GAN: variants seen among roughly 807,000 people sequenced by gnomAD.
GAN encodes the protein epididymis secretory sperm binding protein.
GAN carries 48 observed loss-of-function variants against 71.3 expected under a neutral mutation model. The ratio of observed to expected loss-of-function variants is 0.67; its 90% CI spans 0.53 to 0.86. The LOEUF is 0.86. GAN is among the 40% of genes least tolerant of loss of function. The probability of loss-of-function intolerance (pLI) is 0.00; values close to 1 mark genes in which losing one functional copy is unlikely to be tolerated. For missense variants in GAN, 928 were observed against 770.1 expected, an observed-to-expected ratio of 1.21 and a Z score of -2.43; for synonymous variants, 386 against 276.8, an observed-to-expected ratio of 1.39 and a Z score of -3.92.
chr16:81,357,778 AT>A, intron 4 of GAN, 31 bp from the exon 5 acceptor site: 2 of 1,600,696 alleles, frequency 1.2e-6, no homozygotes, highest in Non-Finnish European at 1.7e-6. Flanking sequence ...TATGAAGCAC[AT>A]TAACTACTGA....
chr16:81,328,997 T>A (rs1429042129), intron 1 of GAN, among the ~76,000 whole-genome samples: 1 of 152,166 alleles, frequency 6.6e-6, no homozygotes, highest in Admixed American at 6.5e-5. Context: ...GTATTAGATG[T>A]TTAAAAATCT....
intron 1 of GAN, among the ~76,000 whole-genome samples, chr16:81,331,562 C>T (rs2150672245): frequency 6.6e-6 from 1 of 152,206 alleles, no homozygotes; most frequent in Non-Finnish European, 1.5e-5. Context: ...AAACCAAATT[C>T]CTAAGGAGCG....
At chr16:81,353,545 T>A (rs989045127) in intron 2 of GAN, among the ~76,000 whole-genome samples, 8 of 152,176 alleles carry the variant, frequency 5.3e-5, no homozygotes, top group Non-Finnish European at 7.4e-5. Context: ...TATACTTTTT[T>A]AAAAATCTGT....
chr16:81,333,289 C>A (rs1909649020), intron 1 of GAN, among the ~76,000 whole-genome samples: 1 of 150,202 alleles, frequency 6.7e-6, no homozygotes. Flanking sequence ...GTCTGTTTTT[C>A]TCTTTATAAT....
At chr16:81,341,369 G>A (rs1343585063) in intron 1 of GAN, among the ~76,000 whole-genome samples, 1 of 152,158 alleles carries the variant, frequency 6.6e-6, no homozygotes, top group African/African-American at 2.4e-5. Flanking sequence ...AGGAAAAAAT[G>A]TTAAGGGCAG....
intron 5 of GAN, among the ~76,000 whole-genome samples, chr16:81,359,271 C>G (rs1438960580): frequency 6.6e-6 from 1 of 152,096 alleles, no homozygotes; most frequent in Non-Finnish European, 1.5e-5. Flanking sequence ...TCCTATATGA[C>G]TAATATTTGA....
At chr16:81,348,213 AC>A (rs892435374) in intron 1 of GAN, among the ~76,000 whole-genome samples, 1 of 152,060 alleles carries the variant, frequency 6.6e-6, no homozygotes, top group African/African-American at 2.4e-5. Flanking sequence ...TCTTGACCCT[AC>A]ATTTAAAAAA....
chr16:81,330,614 G>A (rs1010995510), intron 1 of GAN, among the ~76,000 whole-genome samples: 4 of 152,238 alleles, frequency 2.6e-5, no homozygotes, highest in Non-Finnish European at 4.4e-5. Context: ...AGAAGAAATA[G>A]AGGATAGAAA....
intron 9 of GAN, among the ~76,000 whole-genome samples, chr16:81,376,465 ATGTGTGTGTGTGTGTG>A (rs56782049): frequency 1.0e-3 from 127 of 127,164 alleles, no homozygotes; most frequent in Middle Eastern, 4.0e-3. Context: ...ATACATACAT[ATGTGTGTGTGTGTGTG>A]TGTGTGTGTG....
rs1344905322 is a variant in GAN at position 81,354,041 on chromosome 16, T to C, written c.283-364T>C. On this transcript the variant is annotated intron_variant, in intron 2 of 10. Coordinates refer to ENST00000648994, the MANE Select transcript of GAN (RefSeq NM_022041.4). ...GTTCTGATGCTGGTACTTAATCATG[T>C]TGACTTTACCATAGAATGTAGAACT... is the stretch of plus-strand genomic sequence containing the variant. Among the ~76,000 whole-genome samples the C allele has an allele frequency of 2.0e-5, 3 of 152,184 alleles. No homozygotes were observed. In the East Asian group the frequency reaches 5.8e-4, roughly 29 times the overall value.
chr16:81,325,149 G>C (rs1909343688), intron 1 of GAN, among the ~76,000 whole-genome samples: 1 of 152,214 alleles, frequency 6.6e-6, no homozygotes, highest in Admixed American at 6.5e-5. Flanking sequence ...TTAAAGTCAG[G>C]ACAGTTTAGG....
rs903356039 is a variant in GAN, at chr16:81,342,667, C to A, written c.168-8916C>A. The stretch of plus-strand genomic sequence containing the variant: ...GGAAATTTATAGCACGAAATGCCCA[C>A]AAGAGAAAGCAGGACAGATCTAAAA... On this transcript the variant is annotated intron_variant, in intron 1 of 10. Coordinates refer to ENST00000648994, the MANE Select transcript of GAN (RefSeq NM_022041.4). 3.3e-5 allele frequency among the ~76,000 whole-genome samples: 5 copies of A among 152,274 alleles called. No homozygotes were observed. In the East Asian group the frequency reaches 9.7e-4, roughly 29 times the overall value.
intron 1 of GAN, among the ~76,000 whole-genome samples, chr16:81,325,516 G>A (rs988326437): frequency 2.0e-5 from 3 of 152,184 alleles, no homozygotes; most frequent in African/African-American, 4.8e-5. Context: ...TTTATCATCA[G>A]TTGCTAATCA....
Position 81,351,694 on chromosome 16 carries a change from G to A in GAN, c.279G>A (p.Gly93=). ...AGATCCTGGATTACATCTTCAGTGG[G>A]CAGGTATGATGAGAAACAAAGGAAG... ...MREILDYIFS[G]QIRLNEDTIQ... is the part of the protein sequence containing the mutation. Residue 93 remains glycine, a synonymous_variant, in exon 2 of 11, where the codon GGG becomes GGA. Transcript: ENST00000648994. The A allele has an allele frequency of 1.4e-6, 2 of 1,385,354 alleles. No individual in the cohort carries two copies. Among genetic ancestry groups the A allele is most frequent in the Non-Finnish European group, 2.1e-6 (2 of 971,050 alleles). The allele number at this position is 1,385,354 out of a possible 1,614,324, so 85.8% of individuals were successfully genotyped here. A position where few individuals can be genotyped will look rare whatever the true frequency, so the allele number is the denominator to read the frequency against.
Position 81,378,289 on chromosome 16 carries a change from G to A in GAN, c.*693G>A, listed in dbSNP as rs1361265609. The A allele has an allele frequency of 6.5e-6, 1 of 154,172 alleles. No homozygotes were observed. The highest frequency in any genetic ancestry group is 1.4e-5 in the Non-Finnish European group (1 of 69,382). The allele number at this position is 154,172 out of a possible 1,614,324, so 9.6% of individuals were successfully genotyped here. A position where few individuals can be genotyped will look rare whatever the true frequency, so the allele number is the denominator to read the frequency against. Reference sequence around the variant, plus strand: ...GCAGCCCTCATGTGAACTGAAAGAAGTTGCTCGCTTCTGTGTTGACTTAGA... The same window carrying A: ...GCAGCCCTCATGTGAACTGAAAGAAATTGCTCGCTTCTGTGTTGACTTAGA... On this transcript the variant is annotated 3_prime_UTR_variant, in exon 11 of 11. Transcript: ENST00000648994.
chr16:81,321,769 A>G (rs1305932512), intron 1 of GAN, among the ~76,000 whole-genome samples: 1 of 152,222 alleles, frequency 6.6e-6, no homozygotes, highest in Non-Finnish European at 1.5e-5. Context: ...TGTAATATAA[A>G]TGAATGATTT....
intron 6 of GAN, among the ~76,000 whole-genome samples, chr16:81,362,920 C>G (rs1386878653): frequency 6.6e-6 from 1 of 152,216 alleles, no homozygotes; most frequent in Non-Finnish European, 1.5e-5. Context: ...TCCCTCCTGC[C>G]TCTTAGCTTT....
Position 81,315,282 on chromosome 16 carries a change from TGG to T in GAN, c.167+5_167+6del, listed in dbSNP as rs1908992451. 3 of 1,518,768 alleles carry T rather than the reference TGG, an allele frequency of 2.0e-6. No individual in the cohort carries two copies. The highest frequency in any genetic ancestry group is 2.7e-6 in the Non-Finnish European group (3 of 1,131,072). The allele number at this position is 1,518,768 out of a possible 1,614,324, so 94.1% of individuals were successfully genotyped here. A position where few individuals can be genotyped will look rare whatever the true frequency, so the allele number is the denominator to read the frequency against. On this transcript the variant is annotated splice_donor_region_variant and intron_variant, in intron 1 of 10. Coordinates refer to ENST00000648994, the MANE Select transcript of GAN (RefSeq NM_022041.4). ...GGCGGCGGCCAGCCCGTACATCAGG[TGG>T]GGAGGGGGCTACGGCGGGCGGGCGC...
intron 1 of GAN, among the ~76,000 whole-genome samples, chr16:81,329,932 C>T (rs1351960194): frequency 2.6e-5 from 4 of 152,224 alleles, no homozygotes; most frequent in Non-Finnish European, 4.4e-5. Flanking sequence ...CTCCCTCCCC[C>T]AGCCAGTGGG....
Sources: allele counts gnomAD v4.1 joint callset (sites outside exome capture counted in the v4.1 genomes callset), GRCh38; gene constraint gnomAD v4.1.1; transcripts MANE v1.5; gene names NCBI Gene and HGNC (gene_info 2026-07-23, HGNC 2026-07-21).